The following ANKRD42 variants were observed in gnomAD, a reference collection of about 807,000 sequenced individuals.
ANKRD42 encodes ankyrin repeat domain-containing protein 42.
A neutral mutation model predicts 51.5 loss-of-function variants in ANKRD42; 43 were observed. That is an observed-to-expected ratio of 0.83 (90% CI 0.65 to 1.08). ANKRD42 has a LOEUF of 1.08. ANKRD42 is among the 50% of genes least tolerant of loss of function. The probability of loss-of-function intolerance (pLI) is 0.00; values close to 1 mark genes in which losing one functional copy is unlikely to be tolerated. For missense variants in ANKRD42, 608 were observed against 629.3 expected (o/e 0.97, Z 0.36); for synonymous variants, 203 against 213.0 (o/e 0.95, Z 0.41).
At chr11:83,254,756 C>T (rs888383005) in intron 11 of ANKRD42, among the ~76,000 whole-genome samples, 12 of 152,154 alleles carry the variant, frequency 7.9e-5, no homozygotes, top group Non-Finnish European at 1.2e-4. Flanking sequence ...ACTTACTACA[C>T]TTGATTTTGT....
At chr11:83,246,072 C>T (rs2135557622) in intron 10 of ANKRD42, among the ~76,000 whole-genome samples, 1 of 152,314 alleles carries the variant, frequency 6.6e-6, no homozygotes, top group Middle Eastern at 3.4e-3. Context: ...CTTTCACTTC[C>T]TGTACCCTAA....
Position 83,228,020 on chromosome 11 carries a change from A to T in ANKRD42, c.913+148A>T. 17 of 773,138 alleles carry T rather than the reference A, an allele frequency of 2.2e-5. No homozygotes were observed. The South Asian group carries it at 5.1e-4, about 23-fold the overall frequency. The allele number at this position is 773,138 out of a possible 1,614,324, so 47.9% of individuals were successfully genotyped here. ...CAGTCTATCTTGTATGGTATATAGA[A>T]TGCCTAATTTTCAATTCAAGTGTAA... On this transcript the variant is annotated intron_variant, in intron 7 of 10. Coordinates refer to ENST00000533342, the MANE Select transcript of ANKRD42 (RefSeq NM_001300975.2).
At chr11:83,241,445 T>C (rs1056146620) in intron 9 of ANKRD42, among the ~76,000 whole-genome samples, 1 of 152,112 alleles carries the variant, frequency 6.6e-6, no homozygotes, top group Non-Finnish European at 1.5e-5. Context: ...GATAAGAAAG[T>C]CATTAGGCCT....
In ANKRD42 at chr11:83,247,870, A is replaced by G. The variant is rs1459275851; in HGVS notation, c.1323-73A>G. 7 of 1,254,498 alleles carry G rather than the reference A, an allele frequency of 5.6e-6. No individual in the cohort carries two copies. The Admixed American group carries it at 1.7e-4, about 30-fold the overall frequency. The allele number at this position is 1,254,498 out of a possible 1,614,324, so 77.7% of individuals were successfully genotyped here. A position where few individuals can be genotyped will look rare whatever the true frequency, so the allele number is the denominator to read the frequency against. On this transcript the variant is annotated intron_variant, in intron 10 of 10. Transcript: ENST00000533342. Reference sequence around the variant, plus strand: ...TATTTGCCTTAAATACAATGTATGAATGCTTTCCACTACTAAAAGTAATTA... The same window carrying G: ...TATTTGCCTTAAATACAATGTATGAGTGCTTTCCACTACTAAAAGTAATTA...
intron 5 of ANKRD42, among the ~76,000 whole-genome samples, chr11:83,217,824 T>C (rs372653115): frequency 2.6e-5 from 4 of 152,242 alleles, no homozygotes; most frequent in Admixed American, 1.3e-4. Context: ...TACTAGGCAA[T>C]TGGCCTGCTC....
At chr11:83,247,906 T>A in intron 10 of ANKRD42, 37 bp from the exon 11 acceptor site, 10 of 1,528,132 alleles carry the variant, frequency 6.5e-6, no homozygotes, top group East Asian at 2.3e-5. Context: ...TTAGTTGACA[T>A]TGATGATTGA....
At chr11:83,243,897 C>G (rs1863463436) in intron 9 of ANKRD42, among the ~76,000 whole-genome samples, 2 of 150,676 alleles carry the variant, frequency 1.3e-5, no homozygotes, top group South Asian at 4.2e-4. Flanking sequence ...ATCTCCTGAC[C>G]TCGTGATCTG....
At chr11:83,225,121 T>G in intron 6 of ANKRD42, 66 bp downstream of exon 6, 1 of 1,371,136 alleles carries the variant, frequency 7.3e-7, no homozygotes, top group Non-Finnish European at 1.0e-6. Context: ...ATATAATGAG[T>G]AGAATCAATG....
At chr11:83,240,959 T>C (rs537765510) in intron 9 of ANKRD42, 25 bp downstream of exon 9, 24 of 1,581,968 alleles carry the variant, frequency 1.5e-5, no homozygotes, top group African/African-American at 1.5e-4. Flanking sequence ...TCTGTTGTGA[T>C]TTATCCTTTC....
At position 83,248,333 on chromosome 11, in the gene ANKRD42, ACACT is replaced by A. The variant is rs1863606063; in HGVS notation, c.*131_*134del. ...CACACACACACACACACACACACAC[ACACT>A]CTATATGTAACTATAACTTTCTAGA... On this transcript the variant is annotated 3_prime_UTR_variant, in exon 11 of 11. Coordinates refer to ENST00000533342, the MANE Select transcript of ANKRD42 (RefSeq NM_001300975.2). 3 of 1,192,362 alleles carry A rather than the reference ACACT, an allele frequency of 2.5e-6. No homozygotes were observed. In the Admixed American group the frequency reaches 1.2e-4, roughly 46 times the overall value. The allele number at this position is 1,192,362 out of a possible 1,614,324, so 73.9% of individuals were successfully genotyped here.
intron 8 of ANKRD42, among the ~76,000 whole-genome samples, chr11:83,239,341 C>T (rs941903248): frequency 6.6e-6 from 1 of 152,056 alleles, no homozygotes; most frequent in Non-Finnish European, 1.5e-5. Flanking sequence ...ATATACTTTG[C>T]AAAGATTTCC....
chr11:83,204,532 G>A lies in ANKRD42; in HGVS notation c.223-1526G>A, dbSNP rs543153201. Among the ~76,000 whole-genome samples the A allele has an allele frequency of 2.0e-4, 31 of 152,198 alleles. 1 individual carries two copies. In the South Asian group the frequency reaches 6.4e-3, roughly 32 times the overall value. On this transcript the variant is annotated intron_variant, in intron 2 of 10. Coordinates refer to ENST00000533342, the MANE Select transcript of ANKRD42 (RefSeq NM_001300975.2). The stretch of plus-strand genomic sequence containing the variant: ...GAAAAACTACCTGTTTGGTAACCTG[G>A]TCACTATTTGGGAGATGGGTTCAAT...
In ANKRD42 at chr11:83,228,717, A is replaced by G. The variant is rs1330957186; in HGVS notation, c.913+845A>G. Among the ~76,000 whole-genome samples, 3 of 152,158 alleles carry G rather than the reference A, an allele frequency of 2.0e-5. No homozygotes were observed. In the East Asian group the frequency reaches 5.8e-4, roughly 29 times the overall value. On this transcript the variant is annotated intron_variant, in intron 7 of 10. Coordinates refer to ENST00000533342, the MANE Select transcript of ANKRD42 (RefSeq NM_001300975.2). ...TAATGTATCTCAAAGTACAGAATCTAAGTGCTATGTGTACCAATGGTTTTA... is the reference window on the plus strand; with the variant it reads ...TAATGTATCTCAAAGTACAGAATCTGAGTGCTATGTGTACCAATGGTTTTA...
downstream of ANKRD42, among the ~76,000 whole-genome samples, chr11:83,250,635 G>A (rs919929115): frequency 1.3e-4 from 20 of 151,894 alleles, no homozygotes; most frequent in African/African-American, 3.6e-4. Flanking sequence ...CCCACTGCTC[G>A]TCAACTGGAC....
In ANKRD42 at chr11:83,214,966, A is replaced by G. The variant is rs1461972730; in HGVS notation, c.586+3536A>G. ...AGCGTATTTTAGCTCCCACATATGA[A>G]TGAAAACATATAATATTTGTCTTTC... On this transcript the variant is annotated intron_variant, in intron 5 of 10. Transcript: ENST00000533342. The G allele has an allele frequency of 2.0e-5, 3 of 152,236 alleles. No homozygotes were observed. The East Asian group carries it at 5.8e-4, about 29-fold the overall frequency. The allele number at this position is 152,236 out of a possible 1,614,324, so 9.4% of individuals were successfully genotyped here.
intron 7 of ANKRD42, among the ~76,000 whole-genome samples, chr11:83,231,407 T>G (rs1863068785): frequency 6.6e-6 from 1 of 152,204 alleles, no homozygotes; most frequent in Non-Finnish European, 1.5e-5. Context: ...AAAATCAGAT[T>G]ATTAGTTTTT....
intron 6 of ANKRD42, 131 bp downstream of exon 6, chr11:83,225,186 CAT>C: frequency 2.8e-6 from 2 of 703,638 alleles, no homozygotes; most frequent in Admixed American, 3.5e-5. Flanking sequence ...AAAATATAAA[CAT>C]GTTTAATATA....
At chr11:83,205,648 G>A (rs1862043055) in intron 2 of ANKRD42, among the ~76,000 whole-genome samples, 1 of 152,094 alleles carries the variant, frequency 6.6e-6, no homozygotes, top group African/African-American at 2.4e-5. Context: ...CAAAAGCTCT[G>A]GACCCGTTTA....
chr11:83,201,645 C>T (rs943102165), intron 2 of ANKRD42, among the ~76,000 whole-genome samples: 2 of 152,184 alleles, frequency 1.3e-5, no homozygotes, highest in Non-Finnish European at 2.9e-5. Context: ...CCTATTTCTC[C>T]ACATCCTCTC....
Sources: allele counts gnomAD v4.1 joint callset (sites outside exome capture counted in the v4.1 genomes callset), GRCh38; gene constraint gnomAD v4.1.1; transcripts MANE v1.5; gene names NCBI Gene and HGNC (gene_info 2026-07-23, HGNC 2026-07-21).